KDM4A: variants seen among roughly 807,000 people sequenced by gnomAD.
The protein encoded by KDM4A is lysine-specific demethylase 4A.
In KDM4A, 23 loss-of-function variants were observed where a neutral mutation model predicts 127.1. That is an observed-to-expected ratio of 0.18 (90% CI 0.13 to 0.26). The LOEUF is 0.26. KDM4A is among the 10% of genes least tolerant of loss of function. The pLI, the probability that KDM4A is intolerant of heterozygous loss-of-function variation, is 1.00. For missense variants in KDM4A, 890 were observed against 1,329.1 expected (o/e 0.67, Z 5.14); for synonymous variants, 443 against 466.5 (o/e 0.95, Z 0.65).
Position 43,688,496 on chromosome 1 carries a change from A to G in KDM4A, c.1856-418A>G, listed in dbSNP as rs184834518. ...TTTCCTTCCTTGTTTAGTTGCACTA[A>G]AGGGAAAACTCTAAAAGGTAAAGGA... On this transcript the variant is annotated intron_variant, in intron 12 of 21. Coordinates refer to ENST00000372396, the MANE Select transcript of KDM4A (RefSeq NM_014663.3). The surrounding 1 kb of genome is among the most constrained non-coding windows in gnomAD (Gnocchi z 4.4). Among the ~76,000 whole-genome samples the G allele has an allele frequency of 8.5e-5, 13 of 152,316 alleles. No homozygotes were observed. Among genetic ancestry groups the G allele is most frequent in the South Asian group, 2.1e-4 (1 of 4,826 alleles).
chr1:43,683,373 C>G (rs918529587), intron 11 of KDM4A, among the ~76,000 whole-genome samples: 5 of 152,168 alleles, frequency 3.3e-5, no homozygotes, highest in Non-Finnish European at 7.3e-5. Context: ...TAGCAGTGAG[C>G]TTAAGGGACC....
chr1:43,652,926 C>T (rs1660150805), intron 1 of KDM4A, among the ~76,000 whole-genome samples: 1 of 149,390 alleles, frequency 6.7e-6, no homozygotes, highest in African/African-American at 2.5e-5. Context: ...TCAGGCGATG[C>T]ACCCGCTTTG....
chr1:43,694,245 G>C lies in KDM4A; in HGVS notation c.2484+143G>C. ...AGATTCCTTAGTGGAGGCCAGGTGT[G>C]GTGGCTCACACCTGTAATCCCAGCC... On this transcript the variant is annotated intron_variant, in intron 17 of 21. Coordinates refer to ENST00000372396, the MANE Select transcript of KDM4A (RefSeq NM_014663.3). This position sits in a 1 kb window ranked among gnomAD's most constrained non-coding sequence, Gnocchi z 5.2. The C allele has an allele frequency of 1.5e-6, 1 of 684,352 alleles. No homozygotes were observed. The highest frequency in any genetic ancestry group is 2.5e-6 in the Non-Finnish European group (1 of 402,242). The allele number at this position is 684,352 out of a possible 1,614,324, so 42.4% of individuals were successfully genotyped here.
intron 11 of KDM4A, among the ~76,000 whole-genome samples, chr1:43,673,315 AT>A (rs1349912610): frequency 6.6e-6 from 1 of 152,140 alleles, no homozygotes; most frequent in Non-Finnish European, 1.5e-5. Flanking sequence ...TTAAAAATGT[AT>A]CTTAAAAATC....
chr1:43,669,752 G>A (rs561870439), intron 10 of KDM4A, among the ~76,000 whole-genome samples: 107 of 151,916 alleles, frequency 7.0e-4, no homozygotes, highest in Admixed American at 1.2e-3. Flanking sequence ...GGGTTCAAGC[G>A]ATTCTCCTGC....
Position 43,683,678 on chromosome 1 carries a change from G to A in KDM4A, c.1735-6G>A, listed in dbSNP as rs767280867. The A allele has an allele frequency of 6.2e-7, 1 of 1,611,920 alleles. No individual in the cohort carries two copies. The highest frequency in any genetic ancestry group is 8.5e-7 in the Non-Finnish European group (1 of 1,178,840). On this transcript the variant is annotated splice_polypyrimidine_tract_variant and splice_region_variant and intron_variant, in intron 11 of 21. Transcript: ENST00000372396. ...AGACCAATTTAATTTCTTGTGGTTTGCCCAGGTTGCAGATGAATACATGTT... is the reference window on the plus strand; with the variant it reads ...AGACCAATTTAATTTCTTGTGGTTTACCCAGGTTGCAGATGAATACATGTT...
chr1:43,690,893 G>GC lies in KDM4A; in HGVS notation c.2092dup (p.Gln698ProfsTer31), dbSNP rs1661093606. 6.2e-7 allele frequency: 1 copy of GC among 1,614,182 alleles called. No individual in the cohort carries two copies. The highest frequency in any genetic ancestry group is 2.2e-5 in the East Asian group (1 of 44,880). Reference sequence around the variant, plus strand: ...GAACTGTGGAAATGCTTCAGATTTAGCCCCCCAGAAGCAGAGGACCAAGCC... The same window carrying GC: ...GAACTGTGGAAATGCTTCAGATTTAGCCCCCCCAGAAGCAGAGGACCAAGCC... On this transcript the variant is annotated frameshift_variant, in exon 14 of 22. Transcript: ENST00000372396. LOFTEE classifies it high-confidence loss of function.
At chr1:43,676,299 C>A (rs759204000) in intron 11 of KDM4A, among the ~76,000 whole-genome samples, 17 of 152,018 alleles carry the variant, frequency 1.1e-4, no homozygotes, top group Non-Finnish European at 1.9e-4. Flanking sequence ...TAGAAAGATG[C>A]AGAGCGAATA....
intron 14 of KDM4A, 40 bp downstream of exon 14, chr1:43,691,089 G>C (rs1661098694): frequency 6.3e-7 from 1 of 1,597,276 alleles, no homozygotes; most frequent in Admixed American, 1.7e-5. Context: ...TGTCCCAGGA[G>C]TATGGGCCTG....
Position 43,703,743 on chromosome 1 carries a change from A to G in KDM4A, c.2961+7A>G, listed in dbSNP as rs1356192872. On this transcript the variant is annotated splice_region_variant and intron_variant, in intron 20 of 21. Transcript: ENST00000372396. ...CCCTATCCAAATGTACCAGGTATCCAAAGTTCTACCTTTCTAGGGAGTGGG... is the reference window on the plus strand; with the variant it reads ...CCCTATCCAAATGTACCAGGTATCCGAAGTTCTACCTTTCTAGGGAGTGGG... 1.2e-6 allele frequency: 2 copies of G among 1,613,698 alleles called. No individual in the cohort carries two copies. The highest frequency in any genetic ancestry group is 1.7e-6 in the Non-Finnish European group (2 of 1,179,914).
At chr1:43,654,567 A>G (rs532339621) in intron 2 of KDM4A, among the ~76,000 whole-genome samples, 1 of 146,164 alleles carries the variant, frequency 6.8e-6, no homozygotes, top group African/African-American at 2.5e-5. Flanking sequence ...TTGTTAATTT[A>G]TTACTATTGG....
At chr1:43,666,401 G>T in intron 6 of KDM4A, 51 bp from the exon 7 acceptor site, 2 of 1,429,650 alleles carry the variant, frequency 1.4e-6, no homozygotes, top group Non-Finnish European at 2.0e-6. Context: ...CTCCAGGATT[G>T]CGGAGCTAGT....
rs1227356074 is a variant in KDM4A at position 43,667,963 on chromosome 1, C to T, written c.1107C>T (p.Cys369=). ...CAAGAGCTGGCAACGAGGAGGAGTG[C>T]CCAGAGGAGGACATGGAAGGGGTGG... ...LPPRAGNEEE[C]PEEDMEGVED... The change falls in exon 9 of 22, where the codon TGC becomes TGT. Residue 369 remains cysteine, a synonymous_variant. Coordinates refer to ENST00000372396, the MANE Select transcript of KDM4A (RefSeq NM_014663.3). The T allele has an allele frequency of 6.2e-7, 1 of 1,613,996 alleles. No individual in the cohort carries two copies. Among genetic ancestry groups the T allele is most frequent in the Admixed American group, 1.7e-5 (1 of 59,994 alleles).
intron 18 of KDM4A, among the ~76,000 whole-genome samples, chr1:43,696,078 T>C (rs915220694): frequency 3.3e-5 from 5 of 152,196 alleles, no homozygotes; most frequent in African/African-American, 1.2e-4. Context: ...TTTAACAGCA[T>C]AGTTAAATCT....
chr1:43,704,436 C>T lies in KDM4A; in HGVS notation c.*66C>T, dbSNP rs146517046. The T allele has an allele frequency of 4.0e-6, 6 of 1,482,686 alleles. No individual in the cohort carries two copies. The highest frequency in any genetic ancestry group is 4.6e-6 in the Non-Finnish European group (5 of 1,087,640). 91.8% of individuals were successfully genotyped at this position (1,482,686 alleles called of 1,614,324 possible). Reference sequence around the variant, plus strand: ...GAGCACTCTGGGTTCCACAGCACAGCAGACATGGAACGCTGAAGTCTCTGA... The same window carrying T: ...GAGCACTCTGGGTTCCACAGCACAGTAGACATGGAACGCTGAAGTCTCTGA... On this transcript the variant is annotated 3_prime_UTR_variant, in exon 22 of 22. Transcript: ENST00000372396.
chr1:43,667,179 T>C, intron 8 of KDM4A, 88 bp downstream of exon 8: 1 of 1,423,870 alleles, frequency 7.0e-7, no homozygotes, highest in South Asian at 1.2e-5. Context: ...AGAGTATTTC[T>C]TTGAGCTGCT....
At chr1:43,672,205 T>C (rs1242949721) in intron 11 of KDM4A, among the ~76,000 whole-genome samples, 2 of 152,146 alleles carry the variant, frequency 1.3e-5, no homozygotes, top group African/African-American at 4.8e-5. Context: ...TTTTTTTTTC[T>C]TGAGATAGAG....
At chr1:43,667,630 T>G in intron 8 of KDM4A, 142 bp from the exon 9 acceptor site, 1 of 1,043,490 alleles carries the variant, frequency 9.6e-7, no homozygotes, top group East Asian at 2.4e-5. Context: ...AAGGATAACA[T>G]GCCCTCAGCC....
In KDM4A at chr1:43,688,890, T is replaced by TGTGGTGAG; in HGVS notation, c.1856-24_1856-23insGTGGTGAG. 1.2e-6 allele frequency: 2 copies of TGTGGTGAG among 1,609,902 alleles called. No individual in the cohort carries two copies. Among genetic ancestry groups the TGTGGTGAG allele is most frequent in the Non-Finnish European group, 1.7e-6 (2 of 1,177,076 alleles). ...ACAGATGTGCAGGGTTAGTGCTGACTCACACTTCTGTTTCCTCCTCTAGAG... is the reference window on the plus strand; with the variant it reads ...ACAGATGTGCAGGGTTAGTGCTGACTGTGGTGAGCACACTTCTGTTTCCTCCTCTAGAG... On this transcript the variant is annotated intron_variant, in intron 12 of 21. Coordinates refer to ENST00000372396, the MANE Select transcript of KDM4A (RefSeq NM_014663.3). This position sits in a 1 kb window ranked among gnomAD's most constrained non-coding sequence, Gnocchi z 4.4.
Sources: allele counts gnomAD v4.1 joint callset (sites outside exome capture counted in the v4.1 genomes callset), GRCh38; gene constraint gnomAD v4.1.1; non-coding constraint Gnocchi (gnomAD v3.1); transcripts MANE v1.5; gene names NCBI Gene and HGNC (gene_info 2026-07-23, HGNC 2026-07-21).